Variants in GLI3 observed in about 807,000 individuals in gnomAD.
GLI3 encodes the protein GLI family zinc finger 3, also known as transcription activator GLI3.
In GLI3, 20 loss-of-function variants were observed where a neutral mutation model predicts 100.8. The ratio of observed to expected loss-of-function variants is 0.20; its 90% CI spans 0.14 to 0.29. The LOEUF (loss-of-function observed/expected upper bound fraction) is 0.29. GLI3 is among the 10% of genes least tolerant of loss of function. The pLI is 1.00. For synonymous variants in GLI3, 938 were observed against 860.5 expected (o/e 1.09, Z -1.58); for missense variants, 2,040 against 2,128.5 (o/e 0.96, Z 0.82).
chr7:42,077,892 C>T (rs972663548), intron 3 of GLI3, among the ~76,000 whole-genome samples: 3 of 152,154 alleles, frequency 2.0e-5, no homozygotes, highest in Non-Finnish European at 4.4e-5. Context: ...AGACTAAATA[C>T]GACAGCAAAA....
chr7:41,971,116 G>A (rs1389214078), intron 13 of GLI3, among the ~76,000 whole-genome samples: 1 of 152,164 alleles, frequency 6.6e-6, no homozygotes, highest in Non-Finnish European at 1.5e-5. Context: ...GACAAACTCA[G>A]TAAGTCATTA....
intron 2 of GLI3, among the ~76,000 whole-genome samples, chr7:42,221,963 T>C (rs1449445339): frequency 4.6e-5 from 7 of 152,196 alleles, no homozygotes; most frequent in Non-Finnish European, 7.3e-5. Context: ...CTGAAGTCAT[T>C]TGCCAGCAGG....
chr7:42,258,474 G>A (rs1789107857), intron 1 of GLI3, among the ~76,000 whole-genome samples: 2 of 152,144 alleles, frequency 1.3e-5, no homozygotes, highest in African/African-American at 4.8e-5. Context: ...CCCTCCATGA[G>A]TTACTGTATT....
At chr7:42,234,317 T>A (rs1788747855) in intron 1 of GLI3, among the ~76,000 whole-genome samples, 2 of 152,160 alleles carry the variant, frequency 1.3e-5, no homozygotes, top group Admixed American at 6.5e-5. Flanking sequence ...GTAAGCAGGA[T>A]ACCTTACATA....
At chr7:41,973,069 T>A (rs537284243) in intron 12 of GLI3, among the ~76,000 whole-genome samples, 14 of 152,286 alleles carry the variant, frequency 9.2e-5, no homozygotes, top group Middle Eastern at 6.8e-3. Flanking sequence ...TGTGACAAAG[T>A]TTTTTATGGA....
chr7:42,264,235 T>C (rs1465971788), upstream of GLI3, among the ~76,000 whole-genome samples: 2 of 152,184 alleles, frequency 1.3e-5, no homozygotes. Context: ...TTACCATGAA[T>C]GCCAGTTAGG....
In GLI3 at chr7:41,987,103, C is replaced by CACAG. The variant is rs751127356; in HGVS notation, c.1498-8356_1498-8355insCTGT. Reference sequence around the variant, plus strand: ...CAACATACACAGACACAGACACAGACACACACACACACACACACACACACA... The same window carrying CACAG: ...CAACATACACAGACACAGACACAGACACAGACACACACACACACACACACACACA... On this transcript the variant is annotated intron_variant, in intron 10 of 14. Transcript: ENST00000395925. Among the ~76,000 whole-genome samples, 217 of 117,648 alleles carry CACAG rather than the reference C, an allele frequency of 1.8e-3. 1 individual carries two copies. The highest frequency in any genetic ancestry group is 7.3e-3 in the East Asian group (37 of 5,056). 77.2% of individuals were successfully genotyped at this position (117,648 alleles called of 152,430 possible).
At chr7:42,036,678 T>C (rs1036315632) in intron 7 of GLI3, among the ~76,000 whole-genome samples, 5 of 152,224 alleles carry the variant, frequency 3.3e-5, no homozygotes, top group African/African-American at 9.6e-5. Context: ...TCATTACTGA[T>C]GCACTGCCAA....
intron 1 of GLI3, among the ~76,000 whole-genome samples, chr7:42,257,281 A>G (rs1049422336): frequency 3.4e-5 from 5 of 148,948 alleles, no homozygotes; most frequent in Non-Finnish European, 5.9e-5. Flanking sequence ...TCCCTATTGC[A>G]CTGGCTCTCT....
intron 2 of GLI3, among the ~76,000 whole-genome samples, chr7:42,171,242 C>A (rs12536413): frequency 0.15 from 22,092 of 152,260 alleles, 2,018 homozygotes; most frequent in Non-Finnish European, 0.21. Context: ...TCCACTGTCA[C>A]AGGCTTCACG....
At chr7:42,110,286 A>T (rs1214308086) in intron 3 of GLI3, among the ~76,000 whole-genome samples, 1 of 152,252 alleles carries the variant, frequency 6.6e-6, no homozygotes, top group East Asian at 1.9e-4. Flanking sequence ...TTTTACAACC[A>T]ACTTTTCTAA....
chr7:42,019,255 C>T (rs1788864578), intron 10 of GLI3, among the ~76,000 whole-genome samples: 1 of 152,132 alleles, frequency 6.6e-6, no homozygotes, highest in South Asian at 2.1e-4. Flanking sequence ...TCCTATTCCT[C>T]CTCTTAGAAA....
At chr7:42,232,692 T>G (rs1264045189) in intron 1 of GLI3, among the ~76,000 whole-genome samples, 1 of 152,236 alleles carries the variant, frequency 6.6e-6, no homozygotes, top group African/African-American at 2.4e-5. Flanking sequence ...AATGCAGAAG[T>G]GCCATATATG....
chr7:42,142,914 C>T (rs907358066), intron 3 of GLI3, among the ~76,000 whole-genome samples: 2 of 111,842 alleles, frequency 1.8e-5, no homozygotes, highest in Admixed American at 1.3e-4. Flanking sequence ...ACAGCCTGGG[C>T]GAGAGCAAGA....
intron 10 of GLI3, among the ~76,000 whole-genome samples, chr7:41,998,257 C>T (rs1366813381): frequency 6.6e-6 from 1 of 152,132 alleles, no homozygotes; most frequent in African/African-American, 2.4e-5. Flanking sequence ...AAGGTATTCA[C>T]ACCACAGGCT....
At chr7:42,040,761 T>C (rs1784119826) in intron 6 of GLI3, among the ~76,000 whole-genome samples, 1 of 152,230 alleles carries the variant, frequency 6.6e-6, no homozygotes, top group Non-Finnish European at 1.5e-5. Flanking sequence ...TATGGTATAC[T>C]TAAAGCATTA....
intron 2 of GLI3, among the ~76,000 whole-genome samples, chr7:42,167,019 G>A (rs1454977741): frequency 1.3e-5 from 2 of 152,050 alleles, no homozygotes; most frequent in Non-Finnish European, 2.9e-5. Flanking sequence ...TAGAGACCGG[G>A]TTTCGCCATG....
At chr7:41,968,701 GAAA>G in intron 13 of GLI3, among the ~76,000 whole-genome samples, 1 of 109,526 alleles carries the variant, frequency 9.1e-6, no homozygotes, top group Non-Finnish European at 1.8e-5. Context: ...AAGAAAGAAA[GAAA>G]GAAAGAAAGA....
At chr7:42,219,151 AT>A (rs2128701111) in intron 2 of GLI3, among the ~76,000 whole-genome samples, 1 of 152,360 alleles carries the variant, frequency 6.6e-6, no homozygotes, top group South Asian at 2.1e-4. Flanking sequence ...AAAGTCAACA[AT>A]TATACCTAAG....
Sources: allele counts gnomAD v4.1 joint callset (sites outside exome capture counted in the v4.1 genomes callset), GRCh38; gene constraint gnomAD v4.1.1; transcripts MANE v1.5; gene names NCBI Gene and HGNC (gene_info 2026-07-23, HGNC 2026-07-21).